The following DNAJC2 variants were observed in gnomAD, a reference collection of about 807,000 sequenced individuals.
DNAJC2 encodes the protein dnaJ homolog subfamily C member 2.
A neutral mutation model predicts 94.0 loss-of-function variants in DNAJC2; 32 were observed. The ratio of observed to expected loss-of-function variants is 0.34; its 90% CI spans 0.26 to 0.46. DNAJC2 has a LOEUF of 0.46. DNAJC2 is among the 20% of genes least tolerant of loss of function. The probability of loss-of-function intolerance (pLI) is 1.00; values close to 1 mark genes in which losing one functional copy is unlikely to be tolerated. For missense variants in DNAJC2, 550 were observed against 719.5 expected (o/e 0.76, Z 2.69); for synonymous variants, 210 against 229.7 (o/e 0.91, Z 0.77).
chr7:103,344,197 C>A (rs1819506038), intron 1 of DNAJC2: 1 of 278,880 alleles, frequency 3.6e-6, no homozygotes, highest in African/African-American at 2.2e-5. Flanking sequence ...TGTACGACCC[C>A]AGGCACGTGG....
intron 6 of DNAJC2, among the ~76,000 whole-genome samples, chr7:103,324,061 A>G (rs1818570196): frequency 1.3e-5 from 2 of 152,156 alleles, no homozygotes; most frequent in African/African-American, 4.8e-5. Flanking sequence ...TTTTTGTTCT[A>G]TGTGATTTTA....
chr7:103,339,145 C>T (rs1819287187), intron 2 of DNAJC2, among the ~76,000 whole-genome samples: 1 of 152,160 alleles, frequency 6.6e-6, no homozygotes, highest in Admixed American at 6.5e-5. Flanking sequence ...TCCTATGGAA[C>T]TTATGGCTAC....
intron 3 of DNAJC2, chr7:103,329,341 T>G (rs1045418203): frequency 6.4e-6 from 1 of 157,034 alleles, no homozygotes; most frequent in African/African-American, 2.4e-5. Context: ...TGCAACTTGC[T>G]CAAACTTCCG....
rs924936923 is a variant in DNAJC2 at position 103,344,655 on chromosome 7, G to T, written c.-33C>A. The T allele has an allele frequency of 6.2e-7, 1 of 1,601,896 alleles. No homozygotes were observed. Among genetic ancestry groups the T allele is most frequent in the Non-Finnish European group, 8.5e-7 (1 of 1,178,648 alleles). ...CCGGGTCTAGCCCGGTGGGCGCAGC[G>T]GCTCACGTCCCGGGCGGAGGGCGCT... On this transcript the variant is annotated 5_prime_UTR_variant, in exon 1 of 17. Transcript: ENST00000379263.
At chr7:103,329,635 A>G (rs945711929) in intron 3 of DNAJC2, 1 of 152,090 alleles carries the variant, frequency 6.6e-6, no homozygotes, top group African/African-American at 2.4e-5. Flanking sequence ...CATTTTTCAA[A>G]ATCTTACTGT....
At chr7:103,330,962 C>T (rs1818945929) in intron 3 of DNAJC2, among the ~76,000 whole-genome samples, 1 of 151,094 alleles carries the variant, frequency 6.6e-6, no homozygotes, top group African/African-American at 2.4e-5. Context: ...TGAACAAAAT[C>T]CATTTTTTTT....
In DNAJC2 at chr7:103,324,572, C is replaced by G; in HGVS notation, c.573-10G>C. ...TTTTTTATTTGACCATCTGAAATAT[C>G]AAAGGAAATATTCTTACAATTCTTC... On this transcript the variant is annotated splice_polypyrimidine_tract_variant and intron_variant, in intron 5 of 16. Coordinates refer to ENST00000379263, the MANE Select transcript of DNAJC2 (RefSeq NM_014377.3). 1 of 1,449,426 alleles carries G rather than the reference C, an allele frequency of 6.9e-7. No homozygotes were observed. The highest frequency in any genetic ancestry group is 9.2e-7 in the Non-Finnish European group (1 of 1,081,526). 89.8% of individuals were successfully genotyped at this position (1,449,426 alleles called of 1,614,324 possible).
intron 3 of DNAJC2, among the ~76,000 whole-genome samples, chr7:103,332,969 T>C (rs1054547403): frequency 3.9e-5 from 6 of 152,222 alleles, no homozygotes; most frequent in Non-Finnish European, 8.8e-5. Context: ...TCTGAAATGC[T>C]TGGGACCAAA....
At chr7:103,331,698 T>C (rs1818979363) in intron 3 of DNAJC2, among the ~76,000 whole-genome samples, 1 of 152,238 alleles carries the variant, frequency 6.6e-6, no homozygotes, top group Non-Finnish European at 1.5e-5. Context: ...CATTCTTTTT[T>C]ATGGCTGAGT....
Position 103,312,983 on chromosome 7 carries a change from A to G in DNAJC2, c.1755T>C (p.Pro585=). Residue 585 remains proline, a synonymous_variant, in exon 16 of 17, where the codon CCT becomes CCC. Transcript: ENST00000379263. Reference sequence around the variant, plus strand: ...TCATGCAGTCCTTCTTTGTCCTGCCAGGCACCGCTTCTGCTATTTTTTCCC... The same window carrying G: ...TCATGCAGTCCTTCTTTGTCCTGCCGGGCACCGCTTCTGCTATTTTTTCCC... ...ERWEKIAEAV[P]GRTKKDCMKR... 6.2e-7 allele frequency: 1 copy of G among 1,614,044 alleles called. No individual in the cohort carries two copies.
intron 1 of DNAJC2, 109 bp downstream of exon 1, chr7:103,344,450 G>T: frequency 7.8e-7 from 1 of 1,274,336 alleles, no homozygotes; most frequent in Non-Finnish European, 1.1e-6. Context: ...ATACGGCCCC[G>T]GGGCTAGTCG....
intron 12 of DNAJC2, 84 bp downstream of exon 12, chr7:103,319,525 G>C: frequency 2.4e-6 from 3 of 1,237,404 alleles, no homozygotes; most frequent in Non-Finnish European, 3.5e-6. Flanking sequence ...CCCTGCACTT[G>C]GTGACTTATA....
intron 3 of DNAJC2, 51 bp downstream of exon 3, chr7:103,337,685 G>C (rs1273838534): frequency 1.4e-6 from 2 of 1,398,290 alleles, no homozygotes; most frequent in Non-Finnish European, 1.0e-6. Flanking sequence ...AGCATAGCCA[G>C]CCTGTTCCTA....
At position 103,315,983 on chromosome 7, in the gene DNAJC2, C is replaced by T. The variant is rs1347941805; in HGVS notation, c.1528+5G>A. 6.3e-7 allele frequency: 1 copy of T among 1,588,602 alleles called. No homozygotes were observed. The highest frequency in any genetic ancestry group is 1.1e-5 in the South Asian group (1 of 86,982). Reference sequence around the variant, plus strand: ...AAAGTAACAAATGGACTTCTCAAAACTCACCAAGTTTTTGGAGACTCTTTG... The same window carrying T: ...AAAGTAACAAATGGACTTCTCAAAATTCACCAAGTTTTTGGAGACTCTTTG... On this transcript the variant is annotated splice_donor_5th_base_variant and intron_variant, in intron 14 of 16. Transcript: ENST00000379263.
intron 7 of DNAJC2, 102 bp downstream of exon 7, chr7:103,323,496 A>G (rs1373328970): frequency 5.0e-6 from 6 of 1,206,822 alleles, no homozygotes; most frequent in Admixed American, 7.5e-5. Context: ...AAGATGTACA[A>G]AGAGAAAATA....
intron 16 of DNAJC2, 112 bp downstream of exon 16, chr7:103,312,835 G>C (rs1563451921): frequency 1.3e-6 from 2 of 1,521,372 alleles, no homozygotes; most frequent in Non-Finnish European, 1.8e-6. Flanking sequence ...CATAACTACT[G>C]GTTTTGAAAT....
chr7:103,343,831 G>T (rs1819487214), intron 1 of DNAJC2, among the ~76,000 whole-genome samples: 1 of 151,870 alleles, frequency 6.6e-6, no homozygotes, highest in African/African-American at 2.4e-5. Context: ...TGCTCTAGTT[G>T]TAAGAGGCAC....
chr7:103,344,490 T>C, intron 1 of DNAJC2, 69 bp downstream of exon 1: 1 of 1,571,794 alleles, frequency 6.4e-7, no homozygotes, highest in Non-Finnish European at 8.8e-7. Flanking sequence ...GAGCCCAGGG[T>C]TGCCGAGGCG....
intron 1 of DNAJC2, among the ~76,000 whole-genome samples, chr7:103,343,287 C>A (rs1471808055): frequency 1.3e-5 from 2 of 152,206 alleles, no homozygotes; most frequent in African/African-American, 4.8e-5. Flanking sequence ...AGACGTGAGC[C>A]ACCGCACCCA....
Sources: allele counts gnomAD v4.1 joint callset (sites outside exome capture counted in the v4.1 genomes callset), GRCh38; gene constraint gnomAD v4.1.1; transcripts MANE v1.5; gene names NCBI Gene and HGNC (gene_info 2026-07-23, HGNC 2026-07-21).